The following THSD4 variants were observed in gnomAD, a reference collection of about 807,000 sequenced individuals.
THSD4 encodes the protein thrombospondin type-1 domain-containing protein 4.
A neutral mutation model predicts 119.0 loss-of-function variants in THSD4; 69 were observed. The observed-to-expected ratio is 0.58, with a 90% CI of 0.48 to 0.71. The LOEUF (loss-of-function observed/expected upper bound fraction) is 0.71, where lower values mean the gene tolerates loss of function less well. Ranked by LOEUF, THSD4 falls within the 30% of genes least tolerant of loss-of-function variation. The probability of loss-of-function intolerance (pLI) is 0.00; values close to 1 mark genes in which losing one functional copy is unlikely to be tolerated. For synonymous variants in THSD4, 524 were observed against 540.4 expected, an observed-to-expected ratio of 0.97 and a Z score of 0.42; for missense variants, 1,393 against 1,391.1, an observed-to-expected ratio of 1.00 and a Z score of -0.02.
In THSD4 at chr15:71,315,625, A is replaced by G. The variant is rs368368889; in HGVS notation, c.1015+58910A>G. On this transcript the variant is annotated intron_variant, in intron 6 of 17. Coordinates refer to ENST00000261862, the MANE Select transcript of THSD4 (RefSeq NM_024817.3). Reference sequence around the variant, plus strand: ...CAAATATATTTTTATTTTCTTTTGAACAAAGCCTGATTACTGTTACTGAGG... The same window carrying G: ...CAAATATATTTTTATTTTCTTTTGAGCAAAGCCTGATTACTGTTACTGAGG... 1.3e-3 allele frequency among the ~76,000 whole-genome samples: 205 copies of G among 152,310 alleles called. 12 individuals are homozygous for G. In the South Asian group the frequency reaches 0.041, roughly 31 times the overall value.
At chr15:71,213,838 A>G (rs1333456342) in intron 3 of THSD4, among the ~76,000 whole-genome samples, 5 of 152,224 alleles carry the variant, frequency 3.3e-5, no homozygotes, top group African/African-American at 1.2e-4. Flanking sequence ...TCTGCTATGC[A>G]CATGGATGGC....
rs537578846 is a variant in THSD4 at position 71,351,934 on chromosome 15, T to C, written c.1016-59753T>C. On this transcript the variant is annotated intron_variant, in intron 6 of 17. Coordinates refer to ENST00000261862, the MANE Select transcript of THSD4 (RefSeq NM_024817.3). ...TAGGAAACCCACTACCTTCTGTCATTTGGCTTTACCATGCACACTTTGCCT... is the reference window on the plus strand; with the variant it reads ...TAGGAAACCCACTACCTTCTGTCATCTGGCTTTACCATGCACACTTTGCCT... 9.2e-5 allele frequency among the ~76,000 whole-genome samples: 14 copies of C among 152,364 alleles called. No individual in the cohort carries two copies. The East Asian group carries it at 2.3e-3, about 25-fold the overall frequency.
chr15:71,393,183 T>A (rs1228357608), intron 6 of THSD4, among the ~76,000 whole-genome samples: 1 of 151,394 alleles, frequency 6.6e-6, no homozygotes, highest in East Asian at 2.0e-4. Context: ...TGTGGAGGGC[T>A]GCATTCGTTT....
chr15:71,494,877 C>G (rs181830457), intron 7 of THSD4, among the ~76,000 whole-genome samples: 6 of 152,228 alleles, frequency 3.9e-5, no homozygotes, highest in African/African-American at 1.2e-4. Flanking sequence ...TTTTGTAAAT[C>G]GACATATTTT....
intron 7 of THSD4, among the ~76,000 whole-genome samples, chr15:71,431,899 A>T (rs2046947276): frequency 6.6e-6 from 1 of 152,208 alleles, no homozygotes; most frequent in African/African-American, 2.4e-5. Context: ...ACATATTCTT[A>T]CACTAAGGAC....
At position 71,199,495 on chromosome 15, in the gene THSD4, GT is replaced by G. The variant is rs1205365804; in HGVS notation, c.100-15539del. ...TGTGGTGTGTGTGTGTGGGGTGTGT[GT>G]GGTGTGTGTGTGTGTGTGGGGTGTG... On this transcript the variant is annotated intron_variant, in intron 3 of 17. Transcript: ENST00000261862. Among the ~76,000 whole-genome samples the G allele has an allele frequency of 2.3e-4, 34 of 148,264 alleles. No individual in the cohort carries two copies. In the East Asian group the frequency reaches 3.7e-3, roughly 16 times the overall value.
chr15:71,727,117 A>G (rs1489867469), intron 8 of THSD4, among the ~76,000 whole-genome samples: 1 of 152,020 alleles, frequency 6.6e-6, no homozygotes, highest in African/African-American at 2.4e-5. Flanking sequence ...TACACACTAG[A>G]AATCACAGGT....
intron 7 of THSD4, among the ~76,000 whole-genome samples, chr15:71,438,208 T>G (rs1056684243): frequency 7.9e-5 from 12 of 152,198 alleles, no homozygotes; most frequent in African/African-American, 2.9e-4. Flanking sequence ...CTTTGCACAT[T>G]TTTCTATTGG....
intron 7 of THSD4, among the ~76,000 whole-genome samples, chr15:71,461,798 T>TC (rs928826399): frequency 9.1e-6 from 1 of 109,486 alleles, no homozygotes; most frequent in Non-Finnish European, 2.3e-5. Context: ...TCAGGTTTTT[T>TC]TTTTTTTTTC....
chr15:71,291,327 A>G (rs2044788837), intron 6 of THSD4, among the ~76,000 whole-genome samples: 1 of 152,216 alleles, frequency 6.6e-6, no homozygotes, highest in Non-Finnish European at 1.5e-5. Flanking sequence ...ATATAGAAAT[A>G]GGTTCATTAT....
intron 7 of THSD4, among the ~76,000 whole-genome samples, chr15:71,596,552 G>A (rs913212100): frequency 6.6e-6 from 1 of 152,070 alleles, no homozygotes; most frequent in African/African-American, 2.4e-5. Context: ...GGCTCCATGG[G>A]GACAGAATAA....
intron 7 of THSD4, among the ~76,000 whole-genome samples, chr15:71,470,142 T>C (rs2047554314): frequency 6.6e-6 from 1 of 152,168 alleles, no homozygotes; most frequent in Non-Finnish European, 1.5e-5. Context: ...AAGTAGTTTG[T>C]TTTTTGTTTT....
intron 3 of THSD4, among the ~76,000 whole-genome samples, chr15:71,200,350 G>A (rs1253410603): frequency 1.3e-5 from 2 of 152,118 alleles, no homozygotes; most frequent in African/African-American, 2.4e-5. Context: ...CTCACTGGTG[G>A]TATGGCTCAG....
At chr15:71,226,768 T>TA (rs1329233804) in intron 4 of THSD4, among the ~76,000 whole-genome samples, 2 of 152,224 alleles carry the variant, frequency 1.3e-5, no homozygotes, top group Non-Finnish European at 2.9e-5. Flanking sequence ...AGAAACCACA[T>TA]AGCAAGAAGT....
intron 8 of THSD4, among the ~76,000 whole-genome samples, chr15:71,668,054 C>A (rs2051450752): frequency 6.6e-6 from 1 of 151,650 alleles, no homozygotes; most frequent in Admixed American, 6.6e-5. Context: ...TTTTTTAGTG[C>A]AGAGTATTCT....
chr15:71,738,075 G>T, intron 11 of THSD4, 68 bp downstream of exon 11: 1 of 1,577,672 alleles, frequency 6.3e-7, no homozygotes, highest in Non-Finnish European at 8.6e-7. Flanking sequence ...GGTGGCCCAA[G>T]GCAGCGGTCC....
chr15:71,222,434 T>C (rs1271865865), intron 4 of THSD4, among the ~76,000 whole-genome samples: 1 of 152,188 alleles, frequency 6.6e-6, no homozygotes, highest in Non-Finnish European at 1.5e-5. Context: ...ATCTGGGGAA[T>C]GGGATATTTG....
intron 7 of THSD4, among the ~76,000 whole-genome samples, chr15:71,528,647 T>C (rs536501919): frequency 6.6e-6 from 1 of 152,340 alleles, no homozygotes; most frequent in African/African-American, 2.4e-5. Context: ...CTGCATCCCA[T>C]AATGTAAACA....
rs867322061 is a variant in THSD4 at position 71,600,693 on chromosome 15, T to G, written c.1153-59837T>G. On this transcript the variant is annotated intron_variant, in intron 7 of 17. Transcript: ENST00000261862. ...TAGACACTACATTCTGCATTTCACC[T>G]GCATTATCTCAGTTAATACCCTATT... is the stretch of plus-strand genomic sequence containing the variant. 2.0e-5 allele frequency among the ~76,000 whole-genome samples: 3 copies of G among 152,162 alleles called. No individual in the cohort carries two copies. In the South Asian group the frequency reaches 6.2e-4, roughly 32 times the overall value.
Sources: allele counts gnomAD v4.1 joint callset (sites outside exome capture counted in the v4.1 genomes callset), GRCh38; gene constraint gnomAD v4.1.1; transcripts MANE v1.5; gene names NCBI Gene and HGNC (gene_info 2026-07-23, HGNC 2026-07-21).